Variants in APOBR observed in about 807,000 individuals in gnomAD.
APOBR encodes apolipoprotein B receptor.
In APOBR, 57 loss-of-function variants were observed where a neutral mutation model predicts 88.5. That is an observed-to-expected ratio of 0.64 (90% CI 0.52 to 0.80). The LOEUF (loss-of-function observed/expected upper bound fraction) is 0.80, where lower values mean the gene tolerates loss of function less well. Ranked by LOEUF, APOBR falls within the 30% of genes least tolerant of loss-of-function variation. APOBR has a pLI of 0.00. For missense variants in APOBR, 1,443 were observed against 1,401.6 expected (o/e 1.03, Z -0.47); for synonymous variants, 588 against 572.7 (o/e 1.03, Z -0.38).
Position 28,497,216 on chromosome 16 carries a change from T to G in APOBR, c.2175T>G (p.Thr725=). ...TGGGAGAGGCCTATGCCAGAGAAAC[T>G]GAGGATGAGGAGGCGGAGGCTGACA... ...PSLGEAYARE[T]EDEEAEADRT... Residue 725 remains threonine, a synonymous_variant, in exon 2 of 4, where the codon ACT becomes ACG. Transcript: ENST00000564831. 1.3e-6 allele frequency: 2 copies of G among 1,593,894 alleles called. No homozygotes were observed. The highest frequency in any genetic ancestry group is 1.7e-6 in the Non-Finnish European group (2 of 1,170,764).
In APOBR at chr16:28,496,084, C is replaced by A. The variant is rs1248229254; in HGVS notation, c.1043C>A (p.Ala348Asp). The A allele has an allele frequency of 5.3e-6, 4 of 755,360 alleles. No homozygotes were observed. Among genetic ancestry groups the A allele is most frequent in the East Asian group, 5.5e-5 (2 of 36,064 alleles). The allele number at this position is 755,360 out of a possible 1,614,324, so 46.8% of individuals were successfully genotyped here. ...GCCTCAGGCGGGGAGGCTGGGACAG[C>A]CTCAGGAGGGGAGGAGGCCGGGACA... ...GIASGGEAGT[A>D]SGGEEAGTAS... Residue 348 changes from alanine (A) to aspartate (D), a missense_variant, in exon 2 of 4, where the codon GCC becomes GAC. Ala to Asp is a moderately radical substitution (Grantham distance 126). Coordinates refer to ENST00000564831, the MANE Select transcript of APOBR (RefSeq NM_018690.4).
intron 1 of APOBR, 89 bp from the exon 2 acceptor site, chr16:28,495,010 C>T: frequency 7.7e-7 from 1 of 1,301,178 alleles, no homozygotes; most frequent in Non-Finnish European, 1.0e-6. Context: ...TACCCTCTTC[C>T]TTAACCTGGG....
chr16:28,494,776 A>C, intron 1 of APOBR, 38 bp downstream of exon 1: 1 of 1,580,838 alleles, frequency 6.3e-7, no homozygotes, highest in South Asian at 1.1e-5. Flanking sequence ...CTTGCACCCC[A>C]TTCCCTGGGG....
chr16:28,494,972 A>C, intron 1 of APOBR, 127 bp from the exon 2 acceptor site: 2 of 1,051,526 alleles, frequency 1.9e-6, no homozygotes, highest in Middle Eastern at 3.2e-4. Context: ...CCTTCTGCAA[A>C]TCCTCTTCTT....
rs2046414139 is a variant in APOBR at position 28,498,891 on chromosome 16, T to G, written c.*386T>G. Reference sequence around the variant, plus strand: ...TGAGACCAGGAGTTCGAGACCAGCCTGGGCAGCATAGCAAGATCCCCATCT... The same window carrying G: ...TGAGACCAGGAGTTCGAGACCAGCCGGGGCAGCATAGCAAGATCCCCATCT... On this transcript the variant is annotated 3_prime_UTR_variant, in exon 4 of 4. Transcript: ENST00000564831. 1.8e-6 allele frequency: 1 copy of G among 553,056 alleles called. No individual in the cohort carries two copies. Among genetic ancestry groups the G allele is most frequent in the Non-Finnish European group, 3.4e-6 (1 of 294,186 alleles). 34.3% of individuals were successfully genotyped at this position (553,056 alleles called of 1,614,324 possible). A position where few individuals can be genotyped will look rare whatever the true frequency, so the allele number is the denominator to read the frequency against.
At position 28,497,785 on chromosome 16, in the gene APOBR, G is replaced by A. The variant is rs1178647965; in HGVS notation, c.2744G>A (p.Arg915Lys). 6.2e-7 allele frequency: 1 copy of A among 1,604,482 alleles called. No individual in the cohort carries two copies. The highest frequency in any genetic ancestry group is 1.3e-5 in the African/African-American group (1 of 74,798). ...GDYHPEGEAP[R>K]LLDAEGLMVT... The stretch of plus-strand genomic sequence containing the variant: ...TACCACCCTGAGGGAGAGGCACCAA[G>A]GCTCCTTGATGCAGAGGGTCTCATG... Residue 915 changes from arginine to lysine, a missense_variant, in exon 2 of 4, where the codon AGG (arginine) becomes AAG (lysine). Physicochemically the swap from Arg to Lys is conservative, Grantham distance 26. Transcript: ENST00000564831.
Position 28,498,129 on chromosome 16 carries a change from G to T in APOBR, c.3004G>T (p.Val1002Leu). Reference sequence around the variant, plus strand: ...AGACGTCTCTGTCCCAAGGAGTCGCGTGCACCTCTCGAGAAGCTCCTCACA... The same window carrying T: ...AGACGTCTCTGTCCCAAGGAGTCGCTTGCACCTCTCGAGAAGCTCCTCACA... ...LLDVSVPRSR[V>L]HLSRSSSQRR... is the part of the protein sequence containing the mutation. The change falls in exon 3 of 4, where the codon GTG (valine) becomes TTG (leucine). Residue 1002 changes from valine to leucine, a missense_variant. Transcript: ENST00000564831. 1 of 1,595,862 alleles carries T rather than the reference G, an allele frequency of 6.3e-7. No individual in the cohort carries two copies. Among genetic ancestry groups the T allele is most frequent in the Non-Finnish European group, 8.5e-7 (1 of 1,176,768 alleles).
chr16:28,498,033 G>A, intron 2 of APOBR, 37 bp downstream of exon 2: 3 of 1,551,168 alleles, frequency 1.9e-6, no homozygotes, highest in Non-Finnish European at 2.6e-6. Flanking sequence ...GGGAACGAGT[G>A]GAATCCCGAA....
At position 28,498,780 on chromosome 16, in the gene APOBR, C is replaced by T. The variant is rs1431908849; in HGVS notation, c.*275C>T. 6.9e-6 allele frequency: 4 copies of T among 576,162 alleles called. No individual in the cohort carries two copies. The highest frequency in any genetic ancestry group is 1.2e-5 in the Non-Finnish European group (4 of 320,880). The allele number at this position is 576,162 out of a possible 1,614,324, so 35.7% of individuals were successfully genotyped here. ...GCCCTGGTTCCTCCCCAGCCTGAGT[C>T]AGCTGTCTGGACTGCAAGGAGGCTG... On this transcript the variant is annotated 3_prime_UTR_variant, in exon 4 of 4. Transcript: ENST00000564831.
chr16:28,495,120 T>G lies in APOBR; in HGVS notation c.79T>G (p.Ser27Ala). Reference protein sequence around the residue: ...GALDSLGTFVSYLLGDAVPTV... With the variant: ...GALDSLGTFVAYLLGDAVPTV... ...CTAGGATTCCCTCGGCACCTTTGTC[T>G]CCTACCTCCTGGGAGATGCAGTCCC... Residue 27 changes from serine (S) to alanine (A), a missense_variant, in exon 2 of 4, where the codon TCC becomes GCC. Coordinates refer to ENST00000564831, the MANE Select transcript of APOBR (RefSeq NM_018690.4). 6.5e-7 allele frequency: 1 copy of G among 1,533,564 alleles called. No homozygotes were observed. The highest frequency in any genetic ancestry group is 8.7e-7 in the Non-Finnish European group (1 of 1,143,006). The allele number at this position is 1,533,564 out of a possible 1,614,324, so 95.0% of individuals were successfully genotyped here.
rs2046388752 is a variant in APOBR, at chr16:28,496,032, G to A, written c.991G>A (p.Ala331Thr). 1 of 1,585,626 alleles carries A rather than the reference G, an allele frequency of 6.3e-7. No homozygotes were observed. Among genetic ancestry groups the A allele is most frequent in the East Asian group, 2.3e-5 (1 of 44,356 alleles). Residue 331 changes from alanine (A) to threonine (T), a missense_variant, in exon 2 of 4, where the codon GCC becomes ACC. Ala to Thr is a moderately conservative substitution (Grantham distance 58, BLOSUM62 0). Coordinates refer to ENST00000564831, the MANE Select transcript of APOBR (RefSeq NM_018690.4). ...CTCAGGCGGGGAGGAGGCCGGGACA[G>A]CCTCGGGAGGGGAGGAGGCCGGGAT... ...TASGGEEAGT[A>T]SGGEEAGIAS...
In APOBR at chr16:28,495,564, A is replaced by G. The variant is rs781567897; in HGVS notation, c.523A>G (p.Ser175Gly). 1.9e-6 allele frequency: 3 copies of G among 1,564,958 alleles called. No homozygotes were observed. Among genetic ancestry groups the G allele is most frequent in the African/African-American group, 2.7e-5 (2 of 73,718 alleles). ...QEVNREERLR[S>G]WEQEEEEEEV... ...AGTGAACAGAGAAGAGAGGCTGAGA[A>G]GCTGGGAACAGGAGGAGGAGGAGGA... The change falls in exon 2 of 4, where the codon AGC becomes GGC. Residue 175 changes from serine (S) to glycine (G), a missense_variant. Ser to Gly is a moderately conservative substitution (Grantham distance 56). Coordinates refer to ENST00000564831, the MANE Select transcript of APOBR (RefSeq NM_018690.4).
rs762760019 is a variant in APOBR, at chr16:28,498,011, TG to T, written c.2955+19del. 5 of 1,573,836 alleles carry T rather than the reference TG, an allele frequency of 3.2e-6. No individual in the cohort carries two copies. Among genetic ancestry groups the T allele is most frequent in the African/African-American group, 1.4e-5 (1 of 73,478 alleles). ...GCTGGAGCGAGGTGAGGGCTCTTGG[TG>T]GGGTCTCGGGGGGAACGAGTGGAAT... is the stretch of plus-strand genomic sequence containing the variant. On this transcript the variant is annotated intron_variant, in intron 2 of 3. Coordinates refer to ENST00000564831, the MANE Select transcript of APOBR (RefSeq NM_018690.4).
In APOBR at chr16:28,497,870, CA is replaced by C; in HGVS notation, c.2830del (p.Arg944GlyfsTer50). The C allele has an allele frequency of 6.2e-7, 1 of 1,612,526 alleles. No homozygotes were observed. Among genetic ancestry groups the C allele is most frequent in the Non-Finnish European group, 8.5e-7 (1 of 1,179,318 alleles). On this transcript the variant is annotated frameshift_variant, in exon 2 of 4. Transcript: ENST00000564831. LOFTEE classifies it high-confidence loss of function. The part of the protein sequence containing the change: ...ETEPESLEHV[R>X]GQEEQPTHQA... ...CTGAGCCAGAAAGCCTGGAACATGTCAGGGGCCAGGAGGAGCAGCCAACACA... is the reference window on the plus strand; with the variant it reads ...CTGAGCCAGAAAGCCTGGAACATGTCGGGGCCAGGAGGAGCAGCCAACACA...
At position 28,498,014 on chromosome 16, in the gene APOBR, G is replaced by C. The variant is rs2141734106; in HGVS notation, c.2955+18G>C. ...GGAGCGAGGTGAGGGCTCTTGGTGG[G>C]GTCTCGGGGGGAACGAGTGGAATCC... On this transcript the variant is annotated intron_variant, in intron 2 of 3. Coordinates refer to ENST00000564831, the MANE Select transcript of APOBR (RefSeq NM_018690.4). 1 of 1,564,302 alleles carries C rather than the reference G, an allele frequency of 6.4e-7. No homozygotes were observed. Among genetic ancestry groups the C allele is most frequent in the Non-Finnish European group, 8.6e-7 (1 of 1,159,214 alleles).
chr16:28,496,408 G>A lies in APOBR; in HGVS notation c.1367G>A (p.Gly456Glu). 1 of 1,612,022 alleles carries A rather than the reference G, an allele frequency of 6.2e-7. No individual in the cohort carries two copies. Among genetic ancestry groups the A allele is most frequent in the Non-Finnish European group, 8.5e-7 (1 of 1,178,948 alleles). ...GREAVGGQEA[G>E]ESFEGQVDLR... ...GAAGCTGTGGGAGGCCAGGAGGCAGGGGAGAGCTTTGAGGGCCAGGTAGAC... is the reference window on the plus strand; with the variant it reads ...GAAGCTGTGGGAGGCCAGGAGGCAGAGGAGAGCTTTGAGGGCCAGGTAGAC... Residue 456 changes from glycine to glutamate, a missense_variant, in exon 2 of 4, where the codon GGG becomes GAG. Physicochemically the swap from Gly to Glu is moderately conservative, Grantham distance 98. Coordinates refer to ENST00000564831, the MANE Select transcript of APOBR (RefSeq NM_018690.4).
Position 28,496,049 on chromosome 16 carries a change from G to A in APOBR, c.1008G>A (p.Glu336=), listed in dbSNP as rs564756584. The A allele has an allele frequency of 9.7e-5, 153 of 1,572,884 alleles. No individual in the cohort carries two copies. In the East Asian group the frequency reaches 3.0e-3, roughly 30 times the overall value. ...CCGGGACAGCCTCGGGAGGGGAGGAGGCCGGGATAGCCTCAGGCGGGGAGG... is the reference window on the plus strand; with the variant it reads ...CCGGGACAGCCTCGGGAGGGGAGGAAGCCGGGATAGCCTCAGGCGGGGAGG... The part of the protein sequence containing the change: ...EEAGTASGGE[E]AGIASGGEAG... Residue 336 remains glutamate, a synonymous_variant, in exon 2 of 4, where the codon GAG becomes GAA. Transcript: ENST00000564831.
Position 28,496,314 on chromosome 16 carries a change from C to T in APOBR, c.1273C>T (p.Pro425Ser), listed in dbSNP as rs1339907727. The T allele has an allele frequency of 1.3e-6, 2 of 1,583,708 alleles. No homozygotes were observed. Among genetic ancestry groups the T allele is most frequent in the African/African-American group, 1.4e-5 (1 of 73,848 alleles). Residue 425 changes from proline to serine, a missense_variant, in exon 2 of 4, where the codon CCC becomes TCC. Pro to Ser is a moderately conservative substitution (Grantham distance 74). Transcript: ENST00000564831. ...EEREAEVSPF[P>S]KQPQVLGTER... Reference sequence around the variant, plus strand: ...GAGAGAGGCTGAGGTGAGCCCTTTCCCCAAACAGCCCCAGGTCCTGGGCAC... The same window carrying T: ...GAGAGAGGCTGAGGTGAGCCCTTTCTCCAAACAGCCCCAGGTCCTGGGCAC...
Position 28,496,307 on chromosome 16 carries a change from C to A in APOBR, c.1266C>A (p.Ser422Arg). 6.3e-7 allele frequency: 1 copy of A among 1,586,868 alleles called. No individual in the cohort carries two copies. The highest frequency in any genetic ancestry group is 8.6e-7 in the Non-Finnish European group (1 of 1,167,656). ...ATGAGGAGAGAGAGGCTGAGGTGAG[C>A]CCTTTCCCCAAACAGCCCCAGGTCC... ...EGDEEREAEV[S>R]PFPKQPQVLG... is the part of the protein sequence containing the mutation. The change falls in exon 2 of 4, where the codon AGC becomes AGA. Residue 422 changes from serine (S) to arginine (R), a missense_variant. Physicochemically the swap from Ser to Arg is moderately radical, Grantham distance 110. Coordinates refer to ENST00000564831, the MANE Select transcript of APOBR (RefSeq NM_018690.4).
Sources: allele counts gnomAD v4.1 joint callset, GRCh38; gene constraint gnomAD v4.1.1; transcripts MANE v1.5; gene names NCBI Gene and HGNC (gene_info 2026-07-23, HGNC 2026-07-21).